Variants in B4GALNT3 observed in about 807,000 individuals in gnomAD.
B4GALNT3 encodes beta-1,4-N-acetyl-galactosaminyltransferase 3.
B4GALNT3 carries 86 observed loss-of-function variants against 120.2 expected under a neutral mutation model. The observed-to-expected ratio is 0.72, with a 90% confidence interval of 0.60 to 0.86. The LOEUF is 0.86. Among genes scored for constraint, B4GALNT3 ranks in the 40% least tolerant of loss-of-function variants. B4GALNT3 has a pLI of 0.00. For missense variants in B4GALNT3, 1,167 were observed against 1,298.9 expected (o/e 0.90, Z 1.56); for synonymous variants, 518 against 510.4 (o/e 1.01, Z -0.20).
At chr12:473,288 C>T (rs1946154888) in intron 1 of B4GALNT3, among the ~76,000 whole-genome samples, 1 of 152,166 alleles carries the variant, frequency 6.6e-6, no homozygotes, top group Non-Finnish European at 1.5e-5. Flanking sequence ...CCAACCCCTT[C>T]TACATCCCAG....
intron 1 of B4GALNT3, among the ~76,000 whole-genome samples, chr12:525,966 A>C (rs1372791590): frequency 1.3e-5 from 2 of 152,212 alleles, no homozygotes; most frequent in East Asian, 1.9e-4. Context: ...CTGCGGCCTG[A>C]GAAATGGAAA....
At chr12:552,219 C>T in intron 12 of B4GALNT3, 56 bp downstream of exon 12, 2 of 1,473,038 alleles carry the variant, frequency 1.4e-6, no homozygotes, top group African/African-American at 1.4e-5. Flanking sequence ...CTGCGGGAGC[C>T]AGGAGAGCTG....
rs981864243 is a variant in B4GALNT3 at position 550,003 on chromosome 12, C to A, written c.997+91C>A. 75 of 1,381,118 alleles carry A rather than the reference C, an allele frequency of 5.4e-5. No homozygotes were observed. The highest frequency in any genetic ancestry group is 1.6e-4 in the Admixed American group (7 of 44,826). The allele number at this position is 1,381,118 out of a possible 1,614,324, so 85.6% of individuals were successfully genotyped here. ...GGTGGAGAAGGCTTGAGAGACCTGC[C>A]AAGTATCCCAATCACCGTAGAACTT... On this transcript the variant is annotated intron_variant, in intron 10 of 19. Transcript: ENST00000266383. This position sits in a 1 kb window ranked among gnomAD's most constrained non-coding sequence, Gnocchi z 4.1.
At chr12:498,380 G>T (rs1295577438) in intron 1 of B4GALNT3, among the ~76,000 whole-genome samples, 2 of 152,204 alleles carry the variant, frequency 1.3e-5, no homozygotes, top group Non-Finnish European at 2.9e-5. Flanking sequence ...GCCACTGTGT[G>T]CTGGCTTTGG....
chr12:522,778 GA>G (rs11367575), intron 1 of B4GALNT3, among the ~76,000 whole-genome samples: 18,797 of 146,860 alleles, frequency 0.13, 1,792 homozygotes, highest in East Asian at 0.41. Context: ...TACCAAAAAA[GA>G]AAAAAAAAAT....
chr12:555,032 G>T (rs1015148435), intron 14 of B4GALNT3, among the ~76,000 whole-genome samples: 8 of 151,752 alleles, frequency 5.3e-5, no homozygotes, highest in Non-Finnish European at 8.8e-5. Context: ...ACAAAAATTA[G>T]CAGGGCTTGA....
intron 1 of B4GALNT3, among the ~76,000 whole-genome samples, chr12:464,403 G>A (rs571820693): frequency 2.6e-5 from 4 of 152,248 alleles, no homozygotes; most frequent in African/African-American, 7.2e-5. Context: ...GCCGAGGCGG[G>A]CAGATCATTT....
chr12:560,798 ACT>A (rs1468117027), intron 19 of B4GALNT3, among the ~76,000 whole-genome samples: 1 of 152,040 alleles, frequency 6.6e-6, no homozygotes, highest in African/African-American at 2.4e-5. Flanking sequence ...CAGTTCGGCC[ACT>A]CTCAGCCCTG....
intron 17 of B4GALNT3, 32 bp from the exon 18 acceptor site, chr12:558,476 G>C (rs756250131): frequency 6.2e-7 from 1 of 1,606,950 alleles, no homozygotes; most frequent in Non-Finnish European, 8.5e-7. Flanking sequence ...TGGTCTGCAG[G>C]GTCTGCTGAC....
At chr12:560,622 T>TA (rs753971730) in intron 19 of B4GALNT3, among the ~76,000 whole-genome samples, 4 of 152,074 alleles carry the variant, frequency 2.6e-5, no homozygotes, top group African/African-American at 7.2e-5. Flanking sequence ...TGGGAGCTCA[T>TA]AAAAAGGGTC....
In B4GALNT3 at chr12:486,205, CTTTTT is replaced by C. The variant is rs59345776; in HGVS notation, c.169+25678_169+25682del. Among the ~76,000 whole-genome samples the C allele has an allele frequency of 3.3e-4, 32 of 97,988 alleles. 1 individual carries two copies. The highest frequency in any genetic ancestry group is 1.3e-3 in the African/African-American group (31 of 24,556). The allele number at this position is 97,988 out of a possible 152,430, so 64.3% of individuals were successfully genotyped here. ...GCATTCTGAAATACACCAAAATATTCTTTTTTTTTTTTTTTTTTTTTTGAGACGGA... is the reference window on the plus strand; with the variant it reads ...GCATTCTGAAATACACCAAAATATTCTTTTTTTTTTTTTTTTTGAGACGGA... On this transcript the variant is annotated intron_variant, in intron 1 of 19. Transcript: ENST00000266383.
intron 1 of B4GALNT3, among the ~76,000 whole-genome samples, chr12:498,159 G>T (rs1484618910): frequency 2.0e-5 from 3 of 152,196 alleles, no homozygotes; most frequent in Non-Finnish European, 1.5e-5. Flanking sequence ...GTGCCCCACA[G>T]TTGCCCCTGA....
chr12:469,884 T>G (rs532642162), intron 1 of B4GALNT3, among the ~76,000 whole-genome samples: 2 of 152,278 alleles, frequency 1.3e-5, no homozygotes, highest in African/African-American at 4.8e-5. Flanking sequence ...ACTCTTAGGC[T>G]CAAGGGATCC....
At position 460,616 on chromosome 12, in the gene B4GALNT3, C is replaced by A; in HGVS notation, c.169+71C>A. On this transcript the variant is annotated intron_variant, in intron 1 of 19. Coordinates refer to ENST00000266383, the MANE Select transcript of B4GALNT3 (RefSeq NM_173593.4). The surrounding 1 kb of genome is among the most constrained non-coding windows in gnomAD (Gnocchi z 8.0). ...GCGGCGGCTCCTGCGTTGGGGGGAC[C>A]CGCCTCTCATCCCATCCTCAGACCC... 8.0e-7 allele frequency: 1 copy of A among 1,257,816 alleles called. No homozygotes were observed. Among genetic ancestry groups the A allele is most frequent in the Non-Finnish European group, 1.0e-6 (1 of 983,412 alleles). The allele number at this position is 1,257,816 out of a possible 1,614,324, so 77.9% of individuals were successfully genotyped here.
At chr12:547,131 G>A (rs557151523) in intron 7 of B4GALNT3, among the ~76,000 whole-genome samples, 7 of 151,728 alleles carry the variant, frequency 4.6e-5, no homozygotes, top group East Asian at 2.0e-4. Flanking sequence ...GGTGGCCCAC[G>A]CGCGCTCACG....
At chr12:546,850 C>T in intron 7 of B4GALNT3, 137 bp downstream of exon 7, 1 of 823,676 alleles carries the variant, frequency 1.2e-6, no homozygotes, top group Non-Finnish European at 1.9e-6. Flanking sequence ...GCAACCGGGT[C>T]TTTGGCTCAG....
At chr12:539,466 G>C (rs1565606207) in intron 3 of B4GALNT3, among the ~76,000 whole-genome samples, 2 of 150,984 alleles carry the variant, frequency 1.3e-5, no homozygotes, top group Admixed American at 6.6e-5. Flanking sequence ...CAGGCTTTGA[G>C]AAGGCAGTGT....
At chr12:485,017 T>C (rs1314081175) in intron 1 of B4GALNT3, among the ~76,000 whole-genome samples, 8 of 152,140 alleles carry the variant, frequency 5.3e-5, no homozygotes, top group Admixed American at 4.6e-4. Context: ...AGACAAAATA[T>C]ACACGTCACA....
chr12:518,210 G>A (rs10047662), intron 1 of B4GALNT3, among the ~76,000 whole-genome samples: 114,891 of 151,976 alleles, frequency 0.76, 43,714 homozygotes, highest in East Asian at 0.86. Context: ...TGGGAATTCA[G>A]TTCCAGATCT....
Sources: gnomAD v4.1 joint callset for allele counts (sites outside exome capture counted in the v4.1 genomes callset) on GRCh38, gnomAD v4.1.1 for gene constraint, Gnocchi (gnomAD v3.1) non-coding constraint, MANE v1.5 for transcripts, NCBI Gene and HGNC (gene_info 2026-07-23, HGNC 2026-07-21) for gene names.